Variants in PAWR observed in about 807,000 individuals in gnomAD.
The protein encoded by PAWR is pro-apoptotic WT1 regulator.
In PAWR, 23 loss-of-function variants were observed where a neutral mutation model predicts 32.0. The ratio of observed to expected loss-of-function variants is 0.72; its 90% CI spans 0.52 to 1.02. PAWR has a LOEUF of 1.02. Among genes scored for constraint, PAWR ranks in the 50% least tolerant of loss-of-function variants. PAWR has a pLI of 0.00. For synonymous variants in PAWR, 226 were observed against 187.1 expected, an observed-to-expected ratio of 1.21 and a Z score of -1.70; for missense variants, 457 against 437.7, an observed-to-expected ratio of 1.04 and a Z score of -0.39.
At chr12:79,660,570 AC>A (rs1470447044) in intron 2 of PAWR, among the ~76,000 whole-genome samples, 4 of 151,802 alleles carry the variant, frequency 2.6e-5, no homozygotes, top group African/African-American at 2.4e-5. Context: ...GGCTAAAAAA[AC>A]ATTTCATTGT....
intron 2 of PAWR, among the ~76,000 whole-genome samples, chr12:79,663,513 C>G (rs902316713): frequency 6.6e-6 from 1 of 151,972 alleles, no homozygotes; most frequent in Non-Finnish European, 1.5e-5. Context: ...TATTTTACAC[C>G]GTGGGAAGCT....
chr12:79,674,398 A>T (rs975924389), intron 2 of PAWR, among the ~76,000 whole-genome samples: 10 of 152,144 alleles, frequency 6.6e-5, no homozygotes, highest in Admixed American at 6.5e-4. Context: ...TAAAAAAAAA[A>T]AAATCAACTC....
At position 79,603,665 on chromosome 12, in the gene PAWR, C is replaced by CAATTTTT. The variant is rs1565998443; in HGVS notation, c.684-7008_684-7007insAAAAATT. 98 of 141,450 alleles carry CAATTTTT rather than the reference C, an allele frequency of 6.9e-4. 1 individual carries two copies. The highest frequency in any genetic ancestry group is 2.5e-3 in the African/African-American group (94 of 38,078). 8.8% of individuals were successfully genotyped at this position (141,450 alleles called of 1,614,324 possible). A position where few individuals can be genotyped will look rare whatever the true frequency, so the allele number is the denominator to read the frequency against. On this transcript the variant is annotated intron_variant, in intron 4 of 6. Transcript: ENST00000328827. ...TCAATACATAAACGGCATCATTATG[C>CAATTTTT]TATTTTTTTTTTTTTTTTTTTTTTT...
intron 1 of PAWR, 68 bp from the exon 2 acceptor site, chr12:79,690,459 C>A: frequency 9.7e-7 from 1 of 1,029,670 alleles, no homozygotes; most frequent in Non-Finnish European, 1.3e-6. Flanking sequence ...AAGGGTCTGC[C>A]CCCGGGCTGC....
At chr12:79,672,651 A>G (rs781344998) in intron 2 of PAWR, among the ~76,000 whole-genome samples, 2 of 151,856 alleles carry the variant, frequency 1.3e-5, no homozygotes, top group African/African-American at 2.4e-5. Context: ...CTTATCATCA[A>G]GTTTATTGTG....
At chr12:79,598,223 G>A (rs1416997306) in intron 4 of PAWR, among the ~76,000 whole-genome samples, 1 of 152,172 alleles carries the variant, frequency 6.6e-6, no homozygotes, top group African/African-American at 2.4e-5. Flanking sequence ...CAGGAGGTAG[G>A]GTTCACTGGG....
intron 3 of PAWR, among the ~76,000 whole-genome samples, chr12:79,617,504 C>A (rs1874796326): frequency 6.6e-6 from 1 of 151,816 alleles, no homozygotes; most frequent in Non-Finnish European, 1.5e-5. Context: ...ATTTCTATAT[C>A]CTGGCCAAAA....
intron 2 of PAWR, among the ~76,000 whole-genome samples, chr12:79,639,453 C>T (rs776671946): frequency 1.3e-5 from 2 of 152,090 alleles, no homozygotes; most frequent in Non-Finnish European, 2.9e-5. Flanking sequence ...CAGCACAAAG[C>T]TCTGTGCCCA....
At chr12:79,647,964 G>A (rs1876657521) in intron 2 of PAWR, among the ~76,000 whole-genome samples, 1 of 151,930 alleles carries the variant, frequency 6.6e-6, no homozygotes, top group South Asian at 2.1e-4. Flanking sequence ...CTCATAAAGA[G>A]CATGCAACCT....
chr12:79,689,912 C>T lies in PAWR; in HGVS notation c.333G>A (p.Glu111=). The stretch of plus-strand genomic sequence containing the variant: ...CAGCCGAGGCAGAGGCGGCTGGGGG[C>T]TCGTCCTCCGACCGCCGCGGGCCGG... ...AAPGPRRSED[E]PPAASASAAP... The change falls in exon 2 of 7, where the codon GAG becomes GAA. Residue 111 remains glutamate (E), a synonymous_variant. Transcript: ENST00000328827. The T allele has an allele frequency of 4.1e-6, 6 of 1,458,134 alleles. No individual in the cohort carries two copies. The highest frequency in any genetic ancestry group is 2.9e-5 in the East Asian group (1 of 34,776). 90.3% of individuals were successfully genotyped at this position (1,458,134 alleles called of 1,614,324 possible). A position where few individuals can be genotyped will look rare whatever the true frequency, so the allele number is the denominator to read the frequency against.
At chr12:79,607,616 C>T (rs932683968) in intron 4 of PAWR, among the ~76,000 whole-genome samples, 56 of 151,878 alleles carry the variant, frequency 3.7e-4, no homozygotes, top group African/African-American at 1.2e-3. Context: ...GTAGTTACAG[C>T]CACTTGGGAG....
chr12:79,612,891 G>A (rs1874504820), intron 4 of PAWR, among the ~76,000 whole-genome samples: 1 of 152,154 alleles, frequency 6.6e-6, no homozygotes, highest in South Asian at 2.1e-4. Flanking sequence ...CTGGTTAGAA[G>A]TGTTACTCAT....
Position 79,626,163 on chromosome 12 carries a change from TAAAAAAAA to T in PAWR, c.517-4964_517-4957del, listed in dbSNP as rs565157190. On this transcript the variant is annotated intron_variant, in intron 2 of 6. Transcript: ENST00000328827. ...TGGGCTACAGAGTGAGACTCCATCT[TAAAAAAAA>T]AAAAAAAAAAAAAAGAATACATATA... Among the ~76,000 whole-genome samples the T allele has an allele frequency of 5.5e-3, 448 of 82,128 alleles. 5 individuals are homozygous for T. Among genetic ancestry groups the T allele is most frequent in the African/African-American group, 0.015 (431 of 28,128 alleles). The allele number at this position is 82,128 out of a possible 152,430, so 53.9% of individuals were successfully genotyped here. A position where few individuals can be genotyped will look rare whatever the true frequency, so the allele number is the denominator to read the frequency against.
At chr12:79,636,198 T>C in intron 2 of PAWR, among the ~76,000 whole-genome samples, 1 of 152,246 alleles carries the variant, frequency 6.6e-6, no homozygotes, top group African/African-American at 2.4e-5. Context: ...ATTTAATAAG[T>C]TCATAGACTA....
chr12:79,629,172 C>T (rs1044170871), intron 2 of PAWR, among the ~76,000 whole-genome samples: 4 of 151,928 alleles, frequency 2.6e-5, no homozygotes, highest in African/African-American at 9.7e-5. Flanking sequence ...TTATTAAATG[C>T]ACATGATCTA....
intron 4 of PAWR, among the ~76,000 whole-genome samples, chr12:79,602,175 G>C (rs1419268220): frequency 6.6e-6 from 1 of 152,154 alleles, no homozygotes; most frequent in Non-Finnish European, 1.5e-5. Flanking sequence ...CTGACACATA[G>C]AGCAAAGAAG....
chr12:79,594,389 C>G lies in PAWR; in HGVS notation c.876G>C (p.Leu292=), dbSNP rs774240082. The change falls in exon 6 of 7, where the codon CTG becomes CTC. Residue 292 remains leucine, a synonymous_variant. Transcript: ENST00000328827. The stretch of plus-strand genomic sequence containing the variant: ...CAATCATTTCCTCTTTATCTTGCAT[C>G]AGTCTCACAAGTCTTAGGTTTTCTT... ...ERQENLRLVR[L]MQDKEEMIGK... 6.4e-7 allele frequency: 1 copy of G among 1,568,936 alleles called. No individual in the cohort carries two copies. The highest frequency in any genetic ancestry group is 1.4e-5 in the African/African-American group (1 of 73,594).
chr12:79,668,675 C>T (rs1360398705), intron 2 of PAWR, among the ~76,000 whole-genome samples: 2 of 152,154 alleles, frequency 1.3e-5, no homozygotes, highest in South Asian at 2.1e-4. Context: ...CTAAGGGTGC[C>T]GCTCATCTGT....
intron 2 of PAWR, among the ~76,000 whole-genome samples, chr12:79,629,550 C>T (rs1296798104): frequency 6.6e-6 from 1 of 151,906 alleles, no homozygotes; most frequent in Non-Finnish European, 1.5e-5. Flanking sequence ...CAACACTTCT[C>T]TATCAGTACT....
Sources: gnomAD v4.1 joint callset for allele counts (sites outside exome capture counted in the v4.1 genomes callset) on GRCh38, gnomAD v4.1.1 for gene constraint, MANE v1.5 for transcripts, NCBI Gene and HGNC (gene_info 2026-07-23, HGNC 2026-07-21) for gene names.